Variants in METAP2 observed in about 807,000 individuals in gnomAD.
The protein encoded by METAP2 is methionyl aminopeptidase 2.
Under a neutral mutation model 59.4 loss-of-function variants are expected in METAP2, and 25 were observed. The ratio of observed to expected loss-of-function variants is 0.42; its 90% CI spans 0.31 to 0.59. The LOEUF (loss-of-function observed/expected upper bound fraction) is 0.59. Ranked by LOEUF, METAP2 falls within the 20% of genes least tolerant of loss-of-function variation. The probability of loss-of-function intolerance (pLI) is 0.16; values close to 1 mark genes in which losing one functional copy is unlikely to be tolerated. For missense variants in METAP2, 366 were observed against 581.2 expected, an observed-to-expected ratio of 0.63 and a Z score of 3.81; for synonymous variants, 214 against 194.1, an observed-to-expected ratio of 1.10 and a Z score of -0.85.
rs1264486163 is a variant in METAP2 at position 95,515,424 on chromosome 12, C to G, written c.*1520C>G. 1.3e-5 allele frequency: 2 copies of G among 152,234 alleles called. No homozygotes were observed. Among genetic ancestry groups the G allele is most frequent in the Non-Finnish European group, 2.9e-5 (2 of 68,052 alleles). The allele number at this position is 152,234 out of a possible 1,614,324, so 9.4% of individuals were successfully genotyped here. On this transcript the variant is annotated 3_prime_UTR_variant, in exon 11 of 11. Coordinates refer to ENST00000323666, the MANE Select transcript of METAP2 (RefSeq NM_006838.4). The stretch of plus-strand genomic sequence containing the variant: ...GCCAGTTCATGCCTGGACATACTGT[C>G]AGGGCTGGGCCCTCCAGCTAGCTCC...
At chr12:95,506,456 C>G (rs2076361276) in intron 8 of METAP2, among the ~76,000 whole-genome samples, 1 of 151,810 alleles carries the variant, frequency 6.6e-6, no homozygotes, top group South Asian at 2.1e-4. Flanking sequence ...GCCACTACAC[C>G]CAGCTAATTT....
rs201599281 is a variant in METAP2, at chr12:95,515,038, T to C, written c.*1134T>C. On this transcript the variant is annotated 3_prime_UTR_variant, in exon 11 of 11. Transcript: ENST00000323666. ...GATTCTTTGACAAATTGAATTCTTA[T>C]ATTTAAATAATTTTATGGGAATGTT... 2 of 152,680 alleles carry C rather than the reference T, an allele frequency of 1.3e-5. No homozygotes were observed. Among genetic ancestry groups the C allele is most frequent in the African/African-American group, 4.8e-5 (2 of 41,464 alleles). 9.5% of individuals were successfully genotyped at this position (152,680 alleles called of 1,614,324 possible). A position where few individuals can be genotyped will look rare whatever the true frequency, so the allele number is the denominator to read the frequency against.
chr12:95,504,191 G>A, intron 8 of METAP2, 30 bp downstream of exon 8: 2 of 1,414,528 alleles, frequency 1.4e-6, no homozygotes, highest in Non-Finnish European at 2.0e-6. Flanking sequence ...ATCTTATTTT[G>A]AAATTGATTT....
rs1200353048 is a variant in METAP2 at position 95,500,440 on chromosome 12, G to A, written c.868-3625G>A. ...CCTGTGTTGAGTAAAAACGGCAAAA[G>A]TGGATATCCTTCCTTGACTTGTTTG... On this transcript the variant is annotated intron_variant, in intron 7 of 10. Coordinates refer to ENST00000323666, the MANE Select transcript of METAP2 (RefSeq NM_006838.4). Among the ~76,000 whole-genome samples the A allele has an allele frequency of 2.0e-5, 3 of 152,152 alleles. No homozygotes were observed. The East Asian group carries it at 5.8e-4, about 29-fold the overall frequency.
intron 7 of METAP2, among the ~76,000 whole-genome samples, chr12:95,500,463 T>G (rs768596973): frequency 6.6e-6 from 1 of 152,198 alleles, no homozygotes; most frequent in Non-Finnish European, 1.5e-5. Flanking sequence ...CTTGACTTGT[T>G]TGTGATCTTA....
chr12:95,493,345 G>C (rs1388632484), intron 4 of METAP2, among the ~76,000 whole-genome samples: 2 of 152,176 alleles, frequency 1.3e-5, no homozygotes, highest in Non-Finnish European at 2.9e-5. Context: ...AGCTGGGTGT[G>C]CTGGTATGCA....
chr12:95,488,028 G>A (rs143233756), intron 4 of METAP2, among the ~76,000 whole-genome samples: 1,763 of 152,236 alleles, frequency 0.012, 20 homozygotes, highest in South Asian at 0.039. Flanking sequence ...TGTACTGGTA[G>A]TTATATTCTG....
intron 7 of METAP2, among the ~76,000 whole-genome samples, chr12:95,501,751 T>C (rs2076317446): frequency 6.7e-6 from 1 of 150,332 alleles, no homozygotes; most frequent in Admixed American, 6.6e-5. Context: ...ATTAGTTCCT[T>C]AAGTCATGTG....
intron 4 of METAP2, among the ~76,000 whole-genome samples, chr12:95,491,801 C>G (rs1363022455): frequency 6.7e-6 from 1 of 148,772 alleles, no homozygotes; most frequent in Non-Finnish European, 1.5e-5. Context: ...TGTGAGCGAC[C>G]ATGCCTGGTC....
chr12:95,511,780 G>T (rs1321834635), intron 8 of METAP2, 115 bp from the exon 9 acceptor site: 5 of 637,276 alleles, frequency 7.8e-6, no homozygotes, highest in Admixed American at 6.0e-5. Flanking sequence ...AGGTTATTTA[G>T]TAAAGCCATA....
chr12:95,493,343 G>A (rs191848846), intron 4 of METAP2, among the ~76,000 whole-genome samples: 3 of 152,304 alleles, frequency 2.0e-5, no homozygotes, highest in Admixed American at 1.3e-4. Context: ...TTAGCTGGGT[G>A]TGCTGGTATG....
At chr12:95,486,820 A>G (rs1019937512) in intron 4 of METAP2, among the ~76,000 whole-genome samples, 1 of 152,174 alleles carries the variant, frequency 6.6e-6, no homozygotes, top group African/African-American at 2.4e-5. Flanking sequence ...TAAATCACAT[A>G]ATTACCATAA....
chr12:95,512,386 T>A (rs2076409641), intron 9 of METAP2, among the ~76,000 whole-genome samples: 1 of 152,108 alleles, frequency 6.6e-6, no homozygotes, highest in African/African-American at 2.4e-5. Flanking sequence ...TTCATGTTGC[T>A]GCTTAATCAG....
chr12:95,509,841 C>CCCG (rs1555193258), intron 8 of METAP2, among the ~76,000 whole-genome samples: 4 of 149,122 alleles, frequency 2.7e-5, no homozygotes, highest in Non-Finnish European at 4.4e-5. Context: ...AGACCTCCCC[C>CCCG]CCAACCTTTT....
rs191541454 is a variant in METAP2 at position 95,506,999 on chromosome 12, A to G, written c.964+2838A>G. Reference sequence around the variant, plus strand: ...GATGGGGCTTCATCATGTTGGCCAGATCAGGCGATCTGCCCACCTTGGCCT... The same window carrying G: ...GATGGGGCTTCATCATGTTGGCCAGGTCAGGCGATCTGCCCACCTTGGCCT... On this transcript the variant is annotated intron_variant, in intron 8 of 10. Coordinates refer to ENST00000323666, the MANE Select transcript of METAP2 (RefSeq NM_006838.4). Among the ~76,000 whole-genome samples, 20 of 151,676 alleles carry G rather than the reference A, an allele frequency of 1.3e-4. No homozygotes were observed. The East Asian group carries it at 3.9e-3, about 30-fold the overall frequency.
intron 7 of METAP2, among the ~76,000 whole-genome samples, chr12:95,500,006 T>A (rs2076303587): frequency 6.6e-6 from 1 of 152,176 alleles, no homozygotes; most frequent in African/African-American, 2.4e-5. Flanking sequence ...GGATTACAAT[T>A]CGAGAGGAGA....
chr12:95,509,799 G>A (rs2076387890), intron 8 of METAP2, among the ~76,000 whole-genome samples: 1 of 150,676 alleles, frequency 6.6e-6, no homozygotes, highest in Non-Finnish European at 1.5e-5. Flanking sequence ...CTCATACTGA[G>A]GATTCTAGAG....
At chr12:95,487,681 A>C (rs774186368) in intron 4 of METAP2, among the ~76,000 whole-genome samples, 3 of 143,246 alleles carry the variant, frequency 2.1e-5, no homozygotes, top group African/African-American at 7.9e-5. Context: ...TATTTTTTCT[A>C]TGCTCATATA....
chr12:95,512,234 T>C (rs971708011), intron 9 of METAP2, among the ~76,000 whole-genome samples: 3 of 152,210 alleles, frequency 2.0e-5, no homozygotes, highest in Admixed American at 2.0e-4. Context: ...GAATATTTAT[T>C]GAGCATTCTC....
Sources: gnomAD v4.1 joint callset for allele counts (sites outside exome capture counted in the v4.1 genomes callset) on GRCh38, gnomAD v4.1.1 for gene constraint, MANE v1.5 for transcripts, NCBI Gene and HGNC (gene_info 2026-07-23, HGNC 2026-07-21) for gene names.